Variants in GALNT16 observed in about 807,000 individuals in gnomAD.
The protein encoded by GALNT16 is UDP-GalNAc:polypeptide N-acetylgalactosaminyltransferase-like protein 1.
GALNT16 carries 40 observed loss-of-function variants against 76.1 expected under a neutral mutation model. That is an observed-to-expected ratio of 0.53 (90% confidence interval 0.41 to 0.68). GALNT16 has a LOEUF of 0.68. GALNT16 is among the 30% of genes least tolerant of loss of function. The pLI is 0.00. For synonymous variants in GALNT16, 276 were observed against 285.2 expected (o/e 0.97, Z 0.32); for missense variants, 621 against 731.9 (o/e 0.85, Z 1.75).
At chr14:69,341,637 T>A in intron 11 of GALNT16, 44 bp from the exon 12 acceptor site, 4 of 1,376,060 alleles carry the variant, frequency 2.9e-6, no homozygotes, top group Non-Finnish European at 4.1e-6. Flanking sequence ...CGGGCTGCCT[T>A]CCACACTGGC....
At position 69,315,788 on chromosome 14, in the gene GALNT16, C is replaced by T. The variant is rs143726384; in HGVS notation, c.178-4923C>T. On this transcript the variant is annotated intron_variant, in intron 1 of 14. Coordinates refer to ENST00000448469, the MANE Select transcript of GALNT16 (RefSeq NM_001168368.2). ...TGAACTTTTGGTCACTAGAGAAGAACACCCAACTCAAATCAGTTTTTAAAA... is the reference window on the plus strand; with the variant it reads ...TGAACTTTTGGTCACTAGAGAAGAATACCCAACTCAAATCAGTTTTTAAAA... Among the ~76,000 whole-genome samples the T allele has an allele frequency of 1.3e-3, 199 of 152,140 alleles. 1 individual carries two copies. The highest frequency in any genetic ancestry group is 4.6e-3 in the African/African-American group (191 of 41,518).
At chr14:69,381,487 G>A in the GALNT16 span, among the ~76,000 whole-genome samples, 1 of 152,026 alleles carries the variant, frequency 6.6e-6, no homozygotes, top group Non-Finnish European at 1.5e-5. Flanking sequence ...AGAAGATACA[G>A]TAAGCTCCAA....
chr14:69,314,276 T>C (rs1300009879), intron 1 of GALNT16, among the ~76,000 whole-genome samples: 1 of 152,268 alleles, frequency 6.6e-6, no homozygotes, highest in Non-Finnish European at 1.5e-5. Flanking sequence ...GCATTCTTGA[T>C]AATTTCCATT....
chr14:69,266,470 C>T (rs1271879174), intron 1 of GALNT16, among the ~76,000 whole-genome samples: 1 of 152,194 alleles, frequency 6.6e-6, no homozygotes, highest in African/African-American at 2.4e-5. Context: ...ACTTCTGACT[C>T]CCCATCAAAA....
intron 14 of GALNT16, chr14:69,351,195 CTTGTT>C (rs1477568812): frequency 6.6e-6 from 1 of 152,218 alleles, no homozygotes; most frequent in Non-Finnish European, 1.5e-5. Flanking sequence ...AAGAATAAAT[CTTGTT>C]TACAGAAATA....
chr14:69,261,542 G>A lies in GALNT16; in HGVS notation c.177+1075G>A, dbSNP rs995712726. ...CCGAGTGGGGCGGGGGTAAAGGAGT[G>A]AGGAAGCGTGGCGATTCCGACAAGG... On this transcript the variant is annotated intron_variant, in intron 1 of 14. Coordinates refer to ENST00000448469, the MANE Select transcript of GALNT16 (RefSeq NM_001168368.2). This position sits in a 1 kb window ranked among gnomAD's most constrained non-coding sequence, Gnocchi z 6.4. Among the ~76,000 whole-genome samples, 2 of 151,988 alleles carry A rather than the reference G, an allele frequency of 1.3e-5. No individual in the cohort carries two copies. Among genetic ancestry groups the A allele is most frequent in the African/African-American group, 4.8e-5 (2 of 41,374 alleles).
chr14:69,376,380 C>T, the GALNT16 span, among the ~76,000 whole-genome samples: 2 of 152,124 alleles, frequency 1.3e-5, no homozygotes, highest in Non-Finnish European at 2.9e-5. Flanking sequence ...GAGAATTGTT[C>T]TTCTGACTCC....
intron 1 of GALNT16, among the ~76,000 whole-genome samples, chr14:69,272,393 A>G (rs2044416962): frequency 6.6e-6 from 1 of 152,046 alleles, no homozygotes; most frequent in African/African-American, 2.4e-5. Flanking sequence ...ACATAAATAA[A>G]AAGTGCTAGG....
chr14:69,361,444 TC>T (rs2045723154), downstream of GALNT16, among the ~76,000 whole-genome samples: 1 of 152,218 alleles, frequency 6.6e-6, no homozygotes, highest in South Asian at 2.1e-4. Context: ...TGAAGTCTGA[TC>T]CAGGGTCCAT....
chr14:69,350,945 C>T (rs1418716578), intron 14 of GALNT16: 1 of 152,386 alleles, frequency 6.6e-6, no homozygotes, highest in East Asian at 1.9e-4. Context: ...AAGCAACACT[C>T]CATCCTCCAC....
At chr14:69,283,136 C>T (rs1187532498) in intron 1 of GALNT16, among the ~76,000 whole-genome samples, 1 of 152,202 alleles carries the variant, frequency 6.6e-6, no homozygotes, top group Non-Finnish European at 1.5e-5. Flanking sequence ...AGTGATCTCA[C>T]CTTTCTCAGA....
At chr14:69,297,389 GC>G (rs1417698096) in intron 1 of GALNT16, among the ~76,000 whole-genome samples, 11 of 151,668 alleles carry the variant, frequency 7.3e-5, no homozygotes, top group African/African-American at 2.2e-4. Flanking sequence ...TACTCTTTTT[GC>G]TTTAGTTTAT....
At position 69,333,307 on chromosome 14, in the gene GALNT16, G is replaced by A. The variant is rs562451680; in HGVS notation, c.863+138G>A. The A allele has an allele frequency of 4.3e-6, 3 of 703,546 alleles. No individual in the cohort carries two copies. The highest frequency in any genetic ancestry group is 5.4e-5 in the East Asian group (2 of 37,234). 43.6% of individuals were successfully genotyped at this position (703,546 alleles called of 1,614,324 possible). On this transcript the variant is annotated intron_variant, in intron 8 of 14. Coordinates refer to ENST00000448469, the MANE Select transcript of GALNT16 (RefSeq NM_001168368.2). The surrounding 1 kb of genome is among the most constrained non-coding windows in gnomAD (Gnocchi z 4.2). ...ACTCTGTTCTGGGCCTTCGGACCCT[G>A]TATGCAGGGACAGCGAGGACAGAGG... is the stretch of plus-strand genomic sequence containing the variant.
chr14:69,379,590 A>G, the GALNT16 span, among the ~76,000 whole-genome samples: 3 of 152,218 alleles, frequency 2.0e-5, no homozygotes, highest in Non-Finnish European at 4.4e-5. Flanking sequence ...GTGCTCATGT[A>G]CTTGCTGATT....
chr14:69,296,821 A>AGC (rs374418568), intron 1 of GALNT16, among the ~76,000 whole-genome samples: 2,823 of 67,132 alleles, frequency 0.042, 41 homozygotes, highest in East Asian at 0.15. Context: ...AGATAGATAG[A>AGC]TAGATAGATA....
chr14:69,290,455 T>C (rs2044675055), intron 1 of GALNT16, among the ~76,000 whole-genome samples: 1 of 152,192 alleles, frequency 6.6e-6, no homozygotes, highest in Non-Finnish European at 1.5e-5. Flanking sequence ...CCCAGAATCA[T>C]CTGTGTTTGG....
chr14:69,261,770 A>G lies in GALNT16; in HGVS notation c.177+1303A>G, dbSNP rs75680817. Among the ~76,000 whole-genome samples the G allele has an allele frequency of 0.056, 8,470 of 151,692 alleles. 260 individuals carry two copies. Among genetic ancestry groups the G allele is most frequent in the Middle Eastern group, 0.095 (28 of 294 alleles). On this transcript the variant is annotated intron_variant, in intron 1 of 14. Transcript: ENST00000448469. This position sits in a 1 kb window ranked among gnomAD's most constrained non-coding sequence, Gnocchi z 6.4. ...ATTCCGAGTCCCCTGCAAAGGAAAC[A>G]TTATTTCAGGGCTTTGCCTGAGGAG...
At chr14:69,376,716 G>A in the GALNT16 span, among the ~76,000 whole-genome samples, 2 of 152,018 alleles carry the variant, frequency 1.3e-5, no homozygotes, top group Non-Finnish European at 2.9e-5. Context: ...GAAACACAAT[G>A]GTGCAATGTA....
chr14:69,277,271 G>A (rs1431968338), intron 1 of GALNT16, among the ~76,000 whole-genome samples: 1 of 152,054 alleles, frequency 6.6e-6, no homozygotes. Context: ...TGTGCACAAC[G>A]TGCAGGCTCG....
Sources: gnomAD v4.1 joint callset for allele counts (sites outside exome capture counted in the v4.1 genomes callset) on GRCh38, gnomAD v4.1.1 for gene constraint, Gnocchi (gnomAD v3.1) non-coding constraint, MANE v1.5 for transcripts, NCBI Gene and HGNC (gene_info 2026-07-23, HGNC 2026-07-21) for gene names.